The following ZNF19 variants were observed in gnomAD, a reference collection of about 807,000 sequenced individuals.
The protein encoded by ZNF19 is zinc finger protein 19 (KOX 12).
A neutral mutation model predicts 13.1 loss-of-function variants in ZNF19; 11 were observed. The observed-to-expected ratio is 0.84, with a 90% confidence interval of 0.53 to 1.39. The LOEUF (loss-of-function observed/expected upper bound fraction) is 1.39. Ranked by LOEUF, ZNF19 falls within the 40% of genes most tolerant of loss-of-function variation. The pLI, the probability that ZNF19 is intolerant of heterozygous loss-of-function variation, is 0.00. For synonymous variants in ZNF19, 186 were observed against 187.0 expected (o/e 0.99, Z 0.04); for missense variants, 560 against 547.0 (o/e 1.02, Z -0.24).
chr16:71,487,538 C>T (rs2145174876), intron 1 of ZNF19: 1 of 152,334 alleles, frequency 6.6e-6, no homozygotes, highest in Admixed American at 6.5e-5. Flanking sequence ...TCTCTACCAT[C>T]AAACATAATT....
intron 3 of ZNF19, among the ~76,000 whole-genome samples, chr16:71,480,597 G>A (rs1053219926): frequency 1.3e-5 from 2 of 152,184 alleles, no homozygotes; most frequent in African/African-American, 4.8e-5. Flanking sequence ...GGTACAATCA[G>A]TAAACTAGGT....
At chr16:71,480,487 C>G (rs908260843) in intron 3 of ZNF19, among the ~76,000 whole-genome samples, 1 of 152,212 alleles carries the variant, frequency 6.6e-6, no homozygotes, top group African/African-American at 2.4e-5. Context: ...TAATCCTAGA[C>G]ATTCTAACCC....
At chr16:71,480,070 G>A (rs1266874232) in intron 3 of ZNF19, among the ~76,000 whole-genome samples, 1 of 152,084 alleles carries the variant, frequency 6.6e-6, no homozygotes, top group East Asian at 1.9e-4. Context: ...TGGGATTACG[G>A]GAATGAGCCA....
Position 71,478,295 on chromosome 16 carries a change from C to T in ZNF19, c.207G>A (p.Gly69=). Reference sequence around the variant, plus strand: ...GTGCTTCCAGGCCCCAAGCCATGTCCCCTCTCTCCAAAAGTGAGATCAGTG... The same window carrying T: ...GTGCTTCCAGGCCCCAAGCCATGTCTCCTCTCTCCAAAAGTGAGATCAGTG... ...KPALISLLER[G]DMAWGLEAQD... is the part of the protein sequence containing the mutation. The change falls in exon 5 of 6, where the codon GGG becomes GGA. Residue 69 remains glycine (G), a synonymous_variant. Transcript: ENST00000288177. The T allele has an allele frequency of 6.2e-7, 1 of 1,614,048 alleles. No individual in the cohort carries two copies. Among genetic ancestry groups the T allele is most frequent in the Non-Finnish European group, 8.5e-7 (1 of 1,180,016 alleles).
In ZNF19 at chr16:71,475,395, G is replaced by A. The variant is rs2043594067; in HGVS notation, c.1152C>T (p.Ser384=). The A allele has an allele frequency of 1.1e-5, 17 of 1,613,974 alleles. No homozygotes were observed. Among genetic ancestry groups the A allele is most frequent in the Non-Finnish European group, 1.4e-5 (16 of 1,179,978 alleles). The change falls in exon 6 of 6, where the codon TCC becomes TCT. Residue 384 remains serine, a synonymous_variant. Coordinates refer to ENST00000288177, the MANE Select transcript of ZNF19 (RefSeq NM_006961.4). The stretch of plus-strand genomic sequence containing the variant: ...CTTTTCCACACTCATCACATACATA[G>A]GAAGACTCCTGAGTATGAATTCTCA... ...RHLRIHTQES[S]YVCDECGKAL...
intron 1 of ZNF19, among the ~76,000 whole-genome samples, chr16:71,488,357 C>CA (rs1204906609): frequency 0.055 from 3,599 of 64,868 alleles, 94 homozygotes; most frequent in East Asian, 0.17. Context: ...GAGACTATCT[C>CA]AAAAAAAAAA....
intron 1 of ZNF19, among the ~76,000 whole-genome samples, chr16:71,488,364 A>G (rs1276967724): frequency 1.3e-5 from 2 of 151,804 alleles, no homozygotes; most frequent in African/African-American, 2.4e-5. Context: ...TCTCAAAAAA[A>G]AAAAAAAAAG....
Position 71,475,723 on chromosome 16 carries a change from C to T in ZNF19, c.824G>A (p.Cys275Tyr), listed in dbSNP as rs2043596854. The part of the protein sequence containing the change: ...RIHTGEKPYE[C>Y]NECGKAFVGN... ...AACAAAAGCTTTGCCACACTCATTA[C>T]ACTCATAGGGTTTCTCCCCAGTGTG... The change falls in exon 6 of 6, where the codon TGT becomes TAT. Residue 275 changes from cysteine to tyrosine, a missense_variant. Cys to Tyr is a radical substitution (Grantham distance 194, BLOSUM62 -2). Transcript: ENST00000288177. The T allele has an allele frequency of 1.2e-6, 2 of 1,612,544 alleles. No homozygotes were observed. Among genetic ancestry groups the T allele is most frequent in the African/African-American group, 1.3e-5 (1 of 75,026 alleles).
chr16:71,475,018 C>T lies in ZNF19; in HGVS notation c.*152G>A, dbSNP rs2043590457. Reference sequence around the variant, plus strand: ...CCTATTAGCTCTTGCAATCCTGGGACTCTAATTGAACCATCTTTGGTCATC... The same window carrying T: ...CCTATTAGCTCTTGCAATCCTGGGATTCTAATTGAACCATCTTTGGTCATC... On this transcript the variant is annotated 3_prime_UTR_variant, in exon 6 of 6. Coordinates refer to ENST00000288177, the MANE Select transcript of ZNF19 (RefSeq NM_006961.4). 2 of 963,846 alleles carry T rather than the reference C, an allele frequency of 2.1e-6. No homozygotes were observed. Among genetic ancestry groups the T allele is most frequent in the South Asian group, 1.8e-5 (1 of 55,360 alleles). 59.7% of individuals were successfully genotyped at this position (963,846 alleles called of 1,614,324 possible).
chr16:71,479,835 C>G (rs1186209050), intron 3 of ZNF19, among the ~76,000 whole-genome samples: 1 of 151,668 alleles, frequency 6.6e-6, no homozygotes, highest in African/African-American at 2.4e-5. Context: ...GCTCTGTCAC[C>G]CAGGTTGGAG....
chr16:71,478,807 C>A, intron 4 of ZNF19, 72 bp downstream of exon 4: 1 of 1,571,170 alleles, frequency 6.4e-7, no homozygotes, highest in Non-Finnish European at 8.6e-7. Flanking sequence ...CACACTCCTC[C>A]CCCCAGGCTG....
In ZNF19 at chr16:71,485,474, C is replaced by CAA. The variant is rs370547211; in HGVS notation, c.-189-728_-189-727dup. 7.3e-3 allele frequency among the ~76,000 whole-genome samples: 962 copies of CAA among 131,106 alleles called. 12 individuals carry two copies. The highest frequency in any genetic ancestry group is 0.025 in the African/African-American group (897 of 35,932). 86.0% of individuals were successfully genotyped at this position (131,106 alleles called of 152,430 possible). A position where few individuals can be genotyped will look rare whatever the true frequency, so the allele number is the denominator to read the frequency against. ...TCAAAAAAAAAAAAAACCAAAAAAACAAAAAAAAACAAAAAGAAAGAAAGA... is the reference window on the plus strand; with the variant it reads ...TCAAAAAAAAAAAAAACCAAAAAAACAAAAAAAAAAACAAAAAGAAAGAAAGA... On this transcript the variant is annotated intron_variant, in intron 1 of 5. Transcript: ENST00000288177.
intron 5 of ZNF19, among the ~76,000 whole-genome samples, chr16:71,477,677 C>T (rs952913268): frequency 6.6e-6 from 1 of 152,152 alleles, no homozygotes; most frequent in African/African-American, 2.4e-5. Context: ...TAGCCATCCA[C>T]TTGCCTATTC....
At position 71,484,649 on chromosome 16, in the gene ZNF19, C is replaced by T. The variant is rs1262374662; in HGVS notation, c.-90G>A. The T allele has an allele frequency of 5.1e-6, 5 of 985,302 alleles. No homozygotes were observed. Among genetic ancestry groups the T allele is most frequent in the Non-Finnish European group, 6.0e-6 (5 of 829,932 alleles). 61.0% of individuals were successfully genotyped at this position (985,302 alleles called of 1,614,324 possible). A position where few individuals can be genotyped will look rare whatever the true frequency, so the allele number is the denominator to read the frequency against. Reference sequence around the variant, plus strand: ...TGCGTCACTACTTTGGCCTTGCACCCAGGCTCACACGCGTACTCTCTAGGA... The same window carrying T: ...TGCGTCACTACTTTGGCCTTGCACCTAGGCTCACACGCGTACTCTCTAGGA... On this transcript the variant is annotated 5_prime_UTR_variant, in exon 2 of 6. Coordinates refer to ENST00000288177, the MANE Select transcript of ZNF19 (RefSeq NM_006961.4).
Position 71,478,917 on chromosome 16 carries a change from C to T in ZNF19, c.122G>A (p.Ser41Asn), listed in dbSNP as rs374084040. Residue 41 changes from serine (S) to asparagine (N), a missense_variant, in exon 4 of 6, where the codon AGT becomes AAT. Coordinates refer to ENST00000288177, the MANE Select transcript of ZNF19 (RefSeq NM_006961.4). ...LSPAQRALYRSVMLENFGNLT... is the reference protein window; with the variant it reads ...LSPAQRALYRNVMLENFGNLT... ...GTTCCCAAAATTCTCCAACATCACA[C>T]TTCTGTACAGGGCCCTCTGGGCAGG... 4 of 1,614,138 alleles carry T rather than the reference C, an allele frequency of 2.5e-6. No individual in the cohort carries two copies. Among genetic ancestry groups the T allele is most frequent in the Non-Finnish European group, 3.4e-6 (4 of 1,180,048 alleles).
chr16:71,482,198 C>CAT, intron 2 of ZNF19, 55 bp from the exon 3 acceptor site: 2 of 1,545,316 alleles, frequency 1.3e-6, no homozygotes, highest in Non-Finnish European at 1.8e-6. Flanking sequence ...AAAATGCTCT[C>CAT]TTTAGAGCAA....
chr16:71,483,020 A>G (rs2043647731), intron 2 of ZNF19, among the ~76,000 whole-genome samples: 1 of 152,252 alleles, frequency 6.6e-6, no homozygotes, highest in Admixed American at 6.5e-5. Flanking sequence ...ACTACACTAA[A>G]TTCTTTCCAA....
intron 5 of ZNF19, among the ~76,000 whole-genome samples, chr16:71,476,732 C>T (rs995931133): frequency 1.3e-5 from 2 of 152,074 alleles, no homozygotes; most frequent in African/African-American, 4.8e-5. Flanking sequence ...TGCAGATGTC[C>T]CAAAAGACTT....
intron 2 of ZNF19, 35 bp downstream of exon 2, chr16:71,484,554 G>A (rs2043662223): frequency 1.0e-6 from 1 of 985,420 alleles, no homozygotes. Flanking sequence ...CCTGAGCCTA[G>A]CAAGGACTCC....
Sources: allele counts gnomAD v4.1 joint callset (sites outside exome capture counted in the v4.1 genomes callset), GRCh38; gene constraint gnomAD v4.1.1; transcripts MANE v1.5; gene names NCBI Gene and HGNC (gene_info 2026-07-23, HGNC 2026-07-21).